STAMBP: variants seen among roughly 807,000 people sequenced by gnomAD.
STAMBP encodes STAM-binding protein.
A neutral mutation model predicts 50.7 loss-of-function variants in STAMBP; 31 were observed. That is an observed-to-expected ratio of 0.61 (90% CI 0.46 to 0.83). STAMBP has a LOEUF of 0.83. Among genes scored for constraint, STAMBP ranks in the 40% least tolerant of loss-of-function variants. The pLI, the probability that STAMBP is intolerant of heterozygous loss-of-function variation, is 0.00. For missense variants in STAMBP, 472 were observed against 518.9 expected (o/e 0.91, Z 0.88); for synonymous variants, 211 against 192.4 (o/e 1.10, Z -0.80).
chr2:73,842,282 A>G (rs1281088656), intron 2 of STAMBP, among the ~76,000 whole-genome samples: 2 of 152,118 alleles, frequency 1.3e-5, no homozygotes, highest in Admixed American at 1.3e-4. Flanking sequence ...CATTCTCCCC[A>G]TGTCTGTGTG....
chr2:73,867,830 T>C (rs1040926451), downstream of STAMBP, among the ~76,000 whole-genome samples: 23 of 152,058 alleles, frequency 1.5e-4, no homozygotes, highest in Middle Eastern at 3.4e-3. Context: ...AAATAAGTAC[T>C]AAAGCAGAAA....
At position 73,847,576 on chromosome 2, in the gene STAMBP, G is replaced by A; in HGVS notation, c.565G>A (p.Asp189Asn). 6.2e-7 allele frequency: 1 copy of A among 1,614,162 alleles called. No individual in the cohort carries two copies. The highest frequency in any genetic ancestry group is 8.5e-7 in the Non-Finnish European group (1 of 1,180,028). ...LKIVQEFGKVDPGLGGPLVPD... is the reference protein window; with the variant it reads ...LKIVQEFGKVNPGLGGPLVPD... ...AATTGTACAGGAGTTTGGGAAGGTA[G>A]ACCCTGGCCTAGGTGGCCCGCTAGT... Residue 189 changes from aspartate (D) to asparagine (N), a missense_variant, in exon 5 of 10, where the codon GAC becomes AAC. Asp to Asn is a conservative substitution (Grantham distance 23, BLOSUM62 1). Coordinates refer to ENST00000394070, the MANE Select transcript of STAMBP (RefSeq NM_213622.4).
At position 73,865,254 on chromosome 2, in the gene STAMBP, G is replaced by A. The variant is rs1438627276; in HGVS notation, c.*2995G>A. ...AAAGTCTGGTGAATCCTGCAATTTT[G>A]ATATGTTTCCAGTGGATTTTGAGAA... On this transcript the variant is annotated 3_prime_UTR_variant, in exon 10 of 10. Transcript: ENST00000394070. 3.3e-5 allele frequency: 5 copies of A among 152,220 alleles called. No individual in the cohort carries two copies. Among genetic ancestry groups the A allele is most frequent in the Non-Finnish European group, 7.3e-5 (5 of 68,056 alleles). 9.4% of individuals were successfully genotyped at this position (152,220 alleles called of 1,614,324 possible).
chr2:73,846,215 C>T (rs1196448051), intron 4 of STAMBP, among the ~76,000 whole-genome samples: 1 of 151,640 alleles, frequency 6.6e-6, no homozygotes, highest in Non-Finnish European at 1.5e-5. Flanking sequence ...ATCCAAATGC[C>T]TCTCAAGTAT....
At chr2:73,859,718 A>AAAAAAATT (rs1337116913) in intron 8 of STAMBP, among the ~76,000 whole-genome samples, 6 of 150,410 alleles carry the variant, frequency 4.0e-5, no homozygotes, top group African/African-American at 1.5e-4. Context: ...AAAATATAAT[A>AAAAAAATT]AAAAAATAAA....
intron 2 of STAMBP, 39 bp downstream of exon 2, chr2:73,831,098 T>C (rs1163374763): frequency 6.5e-7 from 1 of 1,549,204 alleles, no homozygotes; most frequent in Non-Finnish European, 8.9e-7. Context: ...TTCTGGTGAC[T>C]GGTGCCTCGC....
At chr2:73,842,621 G>A (rs1344855935) in intron 2 of STAMBP, among the ~76,000 whole-genome samples, 22 of 152,154 alleles carry the variant, frequency 1.4e-4, no homozygotes, top group Non-Finnish European at 1.5e-5. Flanking sequence ...TTGTGACCAG[G>A]ATAGATCAAA....
chr2:73,845,054 G>C, intron 3 of STAMBP, 113 bp from the exon 4 acceptor site: 1 of 1,546,266 alleles, frequency 6.5e-7, no homozygotes, highest in Admixed American at 2.0e-5. Context: ...ACAGTAGGGG[G>C]TATTTTAAAT....
At chr2:73,840,154 G>C (rs553001157) in intron 2 of STAMBP, among the ~76,000 whole-genome samples, 1 of 151,962 alleles carries the variant, frequency 6.6e-6, no homozygotes, top group Non-Finnish European at 1.5e-5. Flanking sequence ...TGACTGTGTT[G>C]TTCACTGCCA....
intron 10 of STAMBP, among the ~76,000 whole-genome samples, chr2:73,872,439 TG>T (rs1679238025): frequency 1.3e-5 from 2 of 152,204 alleles, no homozygotes; most frequent in African/African-American, 2.4e-5. Flanking sequence ...ATCCAGGCTG[TG>T]GGTCATTCAT....
At chr2:73,840,690 G>T (rs1573290007) in intron 2 of STAMBP, among the ~76,000 whole-genome samples, 1 of 150,924 alleles carries the variant, frequency 6.6e-6, no homozygotes, top group East Asian at 1.9e-4. Flanking sequence ...GTTGCAGTGA[G>T]CCGAGACTGC....
intron 2 of STAMBP, among the ~76,000 whole-genome samples, chr2:73,832,108 T>TATATATATATATACACAC (rs1006072205): frequency 1.0e-3 from 123 of 122,884 alleles, no homozygotes; most frequent in African/African-American, 4.2e-3. Context: ...TATATATATA[T>TATATATATATATACACAC]ACACATATAT....
Position 73,860,171 on chromosome 2 carries a change from A to C in STAMBP, c.1218+20A>C, listed in dbSNP as rs2303987. The C allele has an allele frequency of 8.2e-6, 13 of 1,593,396 alleles. No homozygotes were observed. In the Middle Eastern group the frequency reaches 5.0e-4, roughly 61 times the overall value. On this transcript the variant is annotated intron_variant, in intron 9 of 9. Transcript: ENST00000394070. ...TTCTGTGTACGTATCTATGTAAAAG[A>C]AAATGGGGCTATGCTTCAAGCAGGG...
At chr2:73,834,711 G>A (rs373980807) in intron 2 of STAMBP, among the ~76,000 whole-genome samples, 229 of 152,298 alleles carry the variant, frequency 1.5e-3, no homozygotes, top group Non-Finnish European at 2.6e-3. Flanking sequence ...AGGGGTTTAT[G>A]ACTAGAGTAG....
rs201983587 is a variant in STAMBP at position 73,849,388 on chromosome 2, T to C, written c.768T>C (p.His256=). The C allele has an allele frequency of 9.1e-5, 147 of 1,614,040 alleles. No individual in the cohort carries two copies. The South Asian group carries it at 1.2e-3, about 14-fold the overall frequency. Reference sequence around the variant, plus strand: ...TTCCCACAATCGATGGATTGCGCCATGTGGTGGTGCCTGGGCGGCTGTGCC... The same window carrying C: ...TTCCCACAATCGATGGATTGCGCCACGTGGTGGTGCCTGGGCGGCTGTGCC... ...ESIPTIDGLR[H]VVVPGRLCPQ... The change falls in exon 6 of 10, where the codon CAT becomes CAC. Residue 256 remains histidine, a synonymous_variant. Coordinates refer to ENST00000394070, the MANE Select transcript of STAMBP (RefSeq NM_213622.4).
At chr2:73,846,206 T>C (rs906243866) in intron 4 of STAMBP, among the ~76,000 whole-genome samples, 2 of 152,040 alleles carry the variant, frequency 1.3e-5, no homozygotes, top group African/African-American at 4.8e-5. Context: ...TTTTTTTTAA[T>C]CCAAATGCCT....
Position 73,847,506 on chromosome 2 carries a change from C to G in STAMBP, c.495C>G (p.Phe165Leu). 6.2e-7 allele frequency: 1 copy of G among 1,614,104 alleles called. No individual in the cohort carries two copies. The highest frequency in any genetic ancestry group is 1.1e-5 in the South Asian group (1 of 91,078). Residue 165 changes from phenylalanine to leucine, a missense_variant, in exon 5 of 10, where the codon TTC (phenylalanine) becomes TTG (leucine). Transcript: ENST00000394070. ...TGGAACAGGAACAGTTCCATGCCTT[C>G]GAGGAGATGATCCGGAACCAGGAGC... ...QQLEQEQFHA[F>L]EEMIRNQELE... is the part of the protein sequence containing the mutation.
At position 73,841,274 on chromosome 2, in the gene STAMBP, G is replaced by A. The variant is rs76392996; in HGVS notation, c.204-3539G>A. The stretch of plus-strand genomic sequence containing the variant: ...GGGATAGAACTTTGAACCATGTAAT[G>A]GAGTCTAGTTTATAAGTAAAGAAAA... On this transcript the variant is annotated intron_variant, in intron 2 of 9. Coordinates refer to ENST00000394070, the MANE Select transcript of STAMBP (RefSeq NM_213622.4). Among the ~76,000 whole-genome samples the A allele has an allele frequency of 2.6e-4, 39 of 152,114 alleles. 1 individual carries two copies. The East Asian group carries it at 7.5e-3, about 29-fold the overall frequency.
intron 2 of STAMBP, among the ~76,000 whole-genome samples, chr2:73,834,411 GAAA>G (rs1320795594): frequency 4.6e-5 from 7 of 150,726 alleles, no homozygotes; most frequent in Admixed American, 4.6e-4. Context: ...TATTCTTACA[GAAA>G]AGTAAGCTTG....
Sources: allele counts gnomAD v4.1 joint callset (sites outside exome capture counted in the v4.1 genomes callset), GRCh38; gene constraint gnomAD v4.1.1; transcripts MANE v1.5; gene names NCBI Gene and HGNC (gene_info 2026-07-23, HGNC 2026-07-21).